KMT2A: variants seen among roughly 807,000 people sequenced by gnomAD.
The protein encoded by KMT2A is lysine methyltransferase 2A.
KMT2A carries 16 observed loss-of-function variants against 345.3 expected under a neutral mutation model. The ratio of observed to expected loss-of-function variants is 0.05; its 90% confidence interval spans 0.03 to 0.07. KMT2A has a LOEUF of 0.07. Among genes scored for constraint, KMT2A ranks in the 10% least tolerant of loss-of-function variants. KMT2A has a pLI of 1.00. For synonymous variants in KMT2A, 1,599 were observed against 1,778.6 expected, an observed-to-expected ratio of 0.90 and a Z score of 2.54; for missense variants, 3,272 against 4,841.6, an observed-to-expected ratio of 0.68 and a Z score of 9.62.
chr11:118,524,244 G>A lies in KMT2A; in HGVS notation c.*2072G>A, dbSNP rs1951032943. 1 of 183,614 alleles carries A rather than the reference G, an allele frequency of 5.4e-6. No homozygotes were observed. Among genetic ancestry groups the A allele is most frequent in the Admixed American group, 6.3e-5 (1 of 15,990 alleles). 11.4% of individuals were successfully genotyped at this position (183,614 alleles called of 1,614,324 possible). A position where few individuals can be genotyped will look rare whatever the true frequency, so the allele number is the denominator to read the frequency against. ...CTCACGATAAAGCAGATTTTTCTCT[G>A]CCTCTGCCACAAGGTTTCAGAGTAG... is the stretch of plus-strand genomic sequence containing the variant. On this transcript the variant is annotated 3_prime_UTR_variant, in exon 36 of 36. Transcript: ENST00000534358.
Position 118,503,045 on chromosome 11 carries a change from C to T in KMT2A, c.7153C>T (p.His2385Tyr), listed in dbSNP as rs1209851216. Residue 2385 changes from histidine to tyrosine, a missense_variant, in exon 27 of 36, where the codon CAC (histidine) becomes TAC (tyrosine). Around this residue, in one of 27 missense-constraint regions of KMT2A, gnomAD observed 445 missense variants for 500.9 expected, o/e 0.89. Transcript: ENST00000534358. The surrounding 1 kb of genome is among the most constrained non-coding windows in gnomAD (Gnocchi z 5.3). Reference sequence around the variant, plus strand: ...AGGGCAAAGGAATGATCGAGACCAACACACAGATTCTACCCAATCAGCAAA... The same window carrying T: ...AGGGCAAAGGAATGATCGAGACCAATACACAGATTCTACCCAATCAGCAAA... ...LRGQRNDRDQHTDSTQSANSS... is the reference protein window; with the variant it reads ...LRGQRNDRDQYTDSTQSANSS... The T allele has an allele frequency of 6.2e-7, 1 of 1,613,332 alleles. No homozygotes were observed. The highest frequency in any genetic ancestry group is 8.5e-7 in the Non-Finnish European group (1 of 1,179,972).
chr11:118,490,385 T>C lies in KMT2A; in HGVS notation c.4696+136T>C. The C allele has an allele frequency of 1.0e-6, 1 of 987,774 alleles. No individual in the cohort carries two copies. 61.2% of individuals were successfully genotyped at this position (987,774 alleles called of 1,614,324 possible). A position where few individuals can be genotyped will look rare whatever the true frequency, so the allele number is the denominator to read the frequency against. On this transcript the variant is annotated intron_variant, in intron 13 of 35. Transcript: ENST00000534358. This position sits in a 1 kb window ranked among gnomAD's most constrained non-coding sequence, Gnocchi z 4.2. Reference sequence around the variant, plus strand: ...TACCATTTAGACACATTTCCTAAGTTCCTGTTTAGAACTTAGCAACTAGAA... The same window carrying C: ...TACCATTTAGACACATTTCCTAAGTCCCTGTTTAGAACTTAGCAACTAGAA...
intron 1 of KMT2A, among the ~76,000 whole-genome samples, chr11:118,452,633 T>C (rs3132894): frequency 1.4e-5 from 2 of 148,120 alleles, no homozygotes; most frequent in Non-Finnish European, 3.0e-5. Flanking sequence ...TTTTTTTTTT[T>C]CTTTCTTGTT....
Position 118,509,919 on chromosome 11 carries a change from G to A in KMT2A, c.10901-29G>A, listed in dbSNP as rs781827264. ...CAGTGCTCAGTGAGCATTTGTTACT[G>A]CAACCACTATCTATTTTCTCCCTAT... On this transcript the variant is annotated intron_variant, in intron 29 of 35. Coordinates refer to ENST00000534358, the MANE Select transcript of KMT2A (RefSeq NM_001197104.2). 1.2e-5 allele frequency: 18 copies of A among 1,554,490 alleles called. No homozygotes were observed. In the South Asian group the frequency reaches 1.2e-4, roughly 10 times the overall value.
chr11:118,443,004 A>G (rs1196575405), intron 1 of KMT2A, among the ~76,000 whole-genome samples: 2 of 152,132 alleles, frequency 1.3e-5, no homozygotes, highest in African/African-American at 4.8e-5. Context: ...TGTTATTGTC[A>G]TTTCATTGGT....
At chr11:118,447,753 A>C (rs1227704711) in intron 1 of KMT2A, 1 of 341,350 alleles carries the variant, frequency 2.9e-6, no homozygotes, top group Non-Finnish European at 5.8e-6. Context: ...AGGCAACTTA[A>C]TAACTCTTCA....
chr11:118,513,468 G>A (rs1391520807), intron 31 of KMT2A, among the ~76,000 whole-genome samples: 2 of 151,864 alleles, frequency 1.3e-5, no homozygotes, highest in African/African-American at 4.8e-5. Context: ...ATATTTGGAT[G>A]CACTTTAGAA....
At chr11:118,507,465 C>A in intron 27 of KMT2A, 64 bp from the exon 28 acceptor site, 2 of 1,415,682 alleles carry the variant, frequency 1.4e-6, no homozygotes, top group Non-Finnish European at 2.0e-6. Flanking sequence ...TTCGACTCAC[C>A]TCCACATTCA....
chr11:118,483,743 G>A (rs9332793), intron 8 of KMT2A, among the ~76,000 whole-genome samples: 6,297 of 151,910 alleles, frequency 0.041, 184 homozygotes, highest in South Asian at 0.068. Flanking sequence ...TATTTATTAT[G>A]GATAAAGAGA....
rs1950367797 is a variant in KMT2A at position 118,494,144 on chromosome 11, C to T, written c.5179-144C>T. ...TAATCGTGAATTGAATCTCAAAGGTCTCAGCCAAAGAGTATTATACCACAT... is the reference window on the plus strand; with the variant it reads ...TAATCGTGAATTGAATCTCAAAGGTTTCAGCCAAAGAGTATTATACCACAT... On this transcript the variant is annotated intron_variant, in intron 16 of 35. Transcript: ENST00000534358. The surrounding 1 kb of genome is among the most constrained non-coding windows in gnomAD (Gnocchi z 5.8). 2 of 538,696 alleles carry T rather than the reference C, an allele frequency of 3.7e-6. No homozygotes were observed. Among genetic ancestry groups the T allele is most frequent in the Non-Finnish European group, 6.7e-6 (2 of 300,558 alleles). 33.4% of individuals were successfully genotyped at this position (538,696 alleles called of 1,614,324 possible).
chr11:118,495,398 C>T lies in KMT2A; in HGVS notation c.5364-302C>T, dbSNP rs980641784. Among the ~76,000 whole-genome samples, 1 of 151,990 alleles carries T rather than the reference C, an allele frequency of 6.6e-6. No homozygotes were observed. Among genetic ancestry groups the T allele is most frequent in the Admixed American group, 6.6e-5 (1 of 15,248 alleles). On this transcript the variant is annotated intron_variant, in intron 18 of 35. Coordinates refer to ENST00000534358, the MANE Select transcript of KMT2A (RefSeq NM_001197104.2). The surrounding 1 kb of genome is among the most constrained non-coding windows in gnomAD (Gnocchi z 4.1). ...GTCTTGATCTCTTGACCTGGTGATC[C>T]GCCTGCCTCACCCTCCCAAAAGTGC...
At chr11:118,462,707 C>T (rs1949768401) in intron 1 of KMT2A, among the ~76,000 whole-genome samples, 3 of 152,064 alleles carry the variant, frequency 2.0e-5, no homozygotes, top group Admixed American at 2.0e-4. Flanking sequence ...TACAGGCGCC[C>T]GCCATCACGC....
chr11:118,519,007 G>T (rs1400019909), intron 31 of KMT2A, among the ~76,000 whole-genome samples: 2 of 146,068 alleles, frequency 1.4e-5, no homozygotes, highest in Non-Finnish European at 3.0e-5. Context: ...GAACCCGGGA[G>T]GTGGAGCTTG....
intron 23 of KMT2A, 95 bp from the exon 24 acceptor site, chr11:118,499,740 A>T: frequency 1.1e-6 from 1 of 922,966 alleles, no homozygotes; most frequent in Non-Finnish European, 1.8e-6. Flanking sequence ...AGATTGCGCC[A>T]CTGCATTCCA....
intron 10 of KMT2A, among the ~76,000 whole-genome samples, chr11:118,487,512 A>G (rs930712680): frequency 1.3e-5 from 2 of 152,184 alleles, no homozygotes; most frequent in Admixed American, 1.3e-4. Flanking sequence ...CCCTCACCCA[A>G]ATTCCCTAAG....
rs1950493522 is a variant in KMT2A, at chr11:118,501,135, A to G, written c.6307A>G (p.Thr2103Ala). The change falls in exon 25 of 36, where the codon ACA (threonine) becomes GCA (alanine). Residue 2103 changes from threonine to alanine, a missense_variant. This residue lies in a region of KMT2A where 66 missense variants were observed against 73.9 expected (regional missense o/e 0.89). Transcript: ENST00000534358. ...AAACAGGACCATTGCCCATAGTCCA[A>G]CATCTTTTACAGGTTAGTCTTGAAT... The part of the protein sequence containing the change: ...DENRTIAHSP[T>A]SFTESSSKES... 10 of 1,613,816 alleles carry G rather than the reference A, an allele frequency of 6.2e-6. No homozygotes were observed. The highest frequency in any genetic ancestry group is 8.5e-6 in the Non-Finnish European group (10 of 1,179,846).
In KMT2A at chr11:118,503,164, T is replaced by C. The variant is rs2134390854; in HGVS notation, c.7272T>C (p.Ser2424=). Residue 2424 remains serine, a synonymous_variant, in exon 27 of 36, where the codon AGT becomes AGC. Transcript: ENST00000534358. This position sits in a 1 kb window ranked among gnomAD's most constrained non-coding sequence, Gnocchi z 5.3. ...SSIINEHMGS[S]SRDRRQKGKK... ...TTATCAACGAACATATGGGATCTAG[T>C]TCCAGAGATAGGAGACAGAAAGGGA... The C allele has an allele frequency of 9.3e-6, 15 of 1,614,004 alleles. No individual in the cohort carries two copies. Among genetic ancestry groups the C allele is most frequent in the Non-Finnish European group, 1.2e-5 (14 of 1,179,998 alleles).
At chr11:118,516,752 C>T (rs1473857499) in intron 31 of KMT2A, among the ~76,000 whole-genome samples, 1 of 152,146 alleles carries the variant, frequency 6.6e-6, no homozygotes, top group Non-Finnish European at 1.5e-5. Context: ...CAGATTGTTC[C>T]TTCTTAAGAG....
At chr11:118,467,309 G>A (rs202232120) in intron 1 of KMT2A, among the ~76,000 whole-genome samples, 5 of 151,746 alleles carry the variant, frequency 3.3e-5, no homozygotes, top group Admixed American at 1.3e-4. Flanking sequence ...CCCAGGAGGC[G>A]GAGGTTGCAG....
Sources: gnomAD v4.1 joint callset for allele counts (sites outside exome capture counted in the v4.1 genomes callset) on GRCh38, gnomAD v4.1.1 for gene constraint, gnomAD v4.1.1 regional missense constraint, Gnocchi (gnomAD v3.1) non-coding constraint, MANE v1.5 for transcripts, NCBI Gene and HGNC (gene_info 2026-07-23, HGNC 2026-07-21) for gene names.